TNS1: variants seen among roughly 807,000 people sequenced by gnomAD.
TNS1 encodes tensin-1.
A neutral mutation model predicts 168.6 loss-of-function variants in TNS1; 62 were observed. The observed-to-expected ratio is 0.37, with a 90% CI of 0.30 to 0.45. The LOEUF is 0.45. TNS1 is among the 20% of genes least tolerant of loss of function. The pLI is 1.00. For missense variants in TNS1, 2,240 were observed against 2,339.4 expected, an observed-to-expected ratio of 0.96 and a Z score of 0.88; for synonymous variants, 934 against 933.2, an observed-to-expected ratio of 1.00 and a Z score of -0.02.
chr2:217,807,950 T>C, intron 32 of TNS1, 125 bp downstream of exon 32: 1 of 1,175,952 alleles, frequency 8.5e-7, no homozygotes, highest in Non-Finnish European at 1.2e-6. Flanking sequence ...CTGAGTGACC[T>C]TGGCACAAAG....
upstream of TNS1, among the ~76,000 whole-genome samples, chr2:218,007,562 G>T (rs868553328): frequency 3.3e-3 from 357 of 107,754 alleles, 1 homozygote; most frequent in South Asian, 0.014. Flanking sequence ...TGAGGCTCGG[G>T]GGGTGGGGGG....
chr2:218,002,981 G>C lies in TNS1; in HGVS notation c.-109C>G. ...GCTCTCTGAGTCCGCGGCTGCTCCGGCTCCGCCAGCATCTGCTGGGCCTCT... is the reference window on the plus strand; with the variant it reads ...GCTCTCTGAGTCCGCGGCTGCTCCGCCTCCGCCAGCATCTGCTGGGCCTCT... On this transcript the variant is annotated 5_prime_UTR_variant, in exon 1 of 33. Coordinates refer to ENST00000682258, the MANE Select transcript of TNS1 (RefSeq NM_001387777.1). 1 of 453,762 alleles carries C rather than the reference G, an allele frequency of 2.2e-6. No homozygotes were observed. Among genetic ancestry groups the C allele is most frequent in the South Asian group, 1.6e-5 (1 of 64,420 alleles). 28.1% of individuals were successfully genotyped at this position (453,762 alleles called of 1,614,324 possible). A position where few individuals can be genotyped will look rare whatever the true frequency, so the allele number is the denominator to read the frequency against.
rs572598831 is a variant in TNS1, at chr2:217,888,194, C to T, written c.867-1548G>A. 1.1e-4 allele frequency among the ~76,000 whole-genome samples: 17 copies of T among 152,322 alleles called. No individual in the cohort carries two copies. The South Asian group carries it at 3.5e-3, about 32-fold the overall frequency. ...TTCCTATCAGATCTCTGGATCGTGC[C>T]AACAGGATGTGTCTGTGTTCGAGGG... On this transcript the variant is annotated intron_variant, in intron 12 of 32. Transcript: ENST00000682258.
At chr2:217,902,327 T>C (rs1300357895) in intron 6 of TNS1, among the ~76,000 whole-genome samples, 1 of 152,182 alleles carries the variant, frequency 6.6e-6, no homozygotes, top group African/African-American at 2.4e-5. Context: ...TGCTGATCCG[T>C]AGCCACTTTT....
At chr2:217,978,707 G>C (rs1575153855) in intron 3 of TNS1, 58 bp downstream of exon 3, 1 of 691,620 alleles carries the variant, frequency 1.4e-6, no homozygotes, top group South Asian at 1.5e-5. Flanking sequence ...TCCAATCTGG[G>C]ACCCCGAGCC....
chr2:217,922,488 T>C (rs1028602752), intron 3 of TNS1, among the ~76,000 whole-genome samples: 1 of 152,036 alleles, frequency 6.6e-6, no homozygotes, highest in Non-Finnish European at 1.5e-5. Context: ...GACGGGCTGA[T>C]GCCTGCCACT....
intron 8 of TNS1, 36 bp from the exon 9 acceptor site, chr2:217,895,092 G>T: frequency 6.3e-7 from 1 of 1,587,228 alleles, no homozygotes; most frequent in South Asian, 1.1e-5. Context: ...ATGAGGAGGT[G>T]AGGGTGAGGA....
chr2:217,811,800 C>A (rs1460049366), intron 28 of TNS1, among the ~76,000 whole-genome samples: 4 of 152,354 alleles, frequency 2.6e-5, no homozygotes, highest in African/African-American at 9.6e-5. Context: ...TCCTGCATGT[C>A]CTCATGCTCT....
At chr2:217,828,213 G>T (rs373051336) in intron 22 of TNS1, among the ~76,000 whole-genome samples, 1 of 152,218 alleles carries the variant, frequency 6.6e-6, no homozygotes, top group African/African-American at 2.4e-5. Flanking sequence ...TGGCCCACCT[G>T]TTCTGTCTCT....
intron 18 of TNS1, among the ~76,000 whole-genome samples, chr2:217,873,055 TTA>T (rs1339881465): frequency 6.6e-6 from 1 of 152,170 alleles, no homozygotes; most frequent in Non-Finnish European, 1.5e-5. Context: ...CTGCTGCTAG[TTA>T]TAAGATTTCT....
intron 2 of TNS1, among the ~76,000 whole-genome samples, chr2:217,984,418 GT>G (rs556039091): frequency 2.0e-3 from 293 of 146,160 alleles, no homozygotes; most frequent in Non-Finnish European, 3.1e-3. Flanking sequence ...AATATTATGA[GT>G]TTTTTTTTTT....
chr2:217,873,705 G>A lies in TNS1; in HGVS notation c.1429+7193C>T, dbSNP rs979110977. Among the ~76,000 whole-genome samples, 8 of 152,270 alleles carry A rather than the reference G, an allele frequency of 5.3e-5. No individual in the cohort carries two copies. In the South Asian group the frequency reaches 8.3e-4, roughly 16 times the overall value. On this transcript the variant is annotated intron_variant, in intron 18 of 32. Transcript: ENST00000682258. ...TGAGCATCTGAACAGAACCATGTTC[G>A]CCACCCAAAGGGAACAGCGAATGAA...
rs149052479 is a variant in TNS1 at position 218,010,385 on chromosome 2, G to T, written c.-190C>A. 276 of 391,404 alleles carry T rather than the reference G, an allele frequency of 7.1e-4. 1 individual carries two copies. The highest frequency in any genetic ancestry group is 5.0e-3 in the African/African-American group (244 of 48,526). The allele number at this position is 391,404 out of a possible 1,614,324, so 24.2% of individuals were successfully genotyped here. A position where few individuals can be genotyped will look rare whatever the true frequency, so the allele number is the denominator to read the frequency against. ...TGCTGCCCCCTCTAGCGGGAGGAGC[G>T]GCGCGGGAGGCCCGCGGCGCGGCCC... is the stretch of plus-strand genomic sequence containing the variant. On this transcript the variant is annotated 5_prime_UTR_variant, in exon 1 of 33. Transcript: ENST00000646520.
At chr2:217,809,360 GATGGATGGATGGATGC>G (rs1940106345) in intron 30 of TNS1, among the ~76,000 whole-genome samples, 1 of 66,314 alleles carries the variant, frequency 1.5e-5, no homozygotes, top group South Asian at 5.3e-4. Flanking sequence ...TGGATGGATG[GATGGATGGATGGATGC>G]ATGGATGGAT....
At chr2:217,911,075 C>T (rs900039402) in intron 4 of TNS1, among the ~76,000 whole-genome samples, 3 of 152,144 alleles carry the variant, frequency 2.0e-5, no homozygotes, top group Non-Finnish European at 4.4e-5. Context: ...TGGGTGGAGG[C>T]CAAACACAGA....
chr2:217,850,582 GACACAC>G (rs1207669519), intron 18 of TNS1: 10,775 of 866,300 alleles, frequency 0.012, 52 homozygotes, highest in African/African-American at 0.058. Flanking sequence ...AGCCCCGACA[GACACAC>G]ACACACACAC....
rs1483130830 is a variant in TNS1 at position 218,021,224 on chromosome 2, A to AG, written c.156+12595dup. Reference sequence around the variant, plus strand: ...CTGATGGAGAATGAGTCCAAAATCTAGAGACCAGAGGGGAAACGGAGGCCC... The same window carrying AG: ...CTGATGGAGAATGAGTCCAAAATCTAGGAGACCAGAGGGGAAACGGAGGCCC... On this transcript the variant is annotated intron_variant, in intron 1 of 1. Transcript: ENST00000649572. Among the ~76,000 whole-genome samples, 3 of 152,230 alleles carry AG rather than the reference A, an allele frequency of 2.0e-5. No homozygotes were observed. The East Asian group carries it at 5.8e-4, about 30-fold the overall frequency.
chr2:217,995,600 G>A lies in TNS1; in HGVS notation c.34-4544C>T, dbSNP rs1026830641. 6.6e-5 allele frequency among the ~76,000 whole-genome samples: 10 copies of A among 152,176 alleles called. No individual in the cohort carries two copies. The highest frequency in any genetic ancestry group is 2.9e-5 in the Non-Finnish European group (2 of 68,040). The stretch of plus-strand genomic sequence containing the variant: ...GTGCAAAGTGCTTTTCAAGGGTAGT[G>A]GCTTGTTAGGGCAATGATCGTCACT... On this transcript the variant is annotated intron_variant, in intron 1 of 32. Coordinates refer to ENST00000682258, the MANE Select transcript of TNS1 (RefSeq NM_001387777.1). This position sits in a 1 kb window ranked among gnomAD's most constrained non-coding sequence, Gnocchi z 4.1.
At chr2:217,932,909 G>A (rs779015860) in intron 3 of TNS1, among the ~76,000 whole-genome samples, 15 of 152,138 alleles carry the variant, frequency 9.9e-5, no homozygotes, top group Non-Finnish European at 1.5e-4. Context: ...AGCGCGCATC[G>A]GGGACTGGTG....
Sources: gnomAD v4.1 joint callset for allele counts (sites outside exome capture counted in the v4.1 genomes callset) on GRCh38, gnomAD v4.1.1 for gene constraint, Gnocchi (gnomAD v3.1) non-coding constraint, MANE v1.5 for transcripts, NCBI Gene and HGNC (gene_info 2026-07-23, HGNC 2026-07-21) for gene names.